The following WIPF1 variants were observed in gnomAD, a reference collection of about 807,000 sequenced individuals.
WIPF1 encodes the protein WAS/WASL interacting protein family member 1, also known as WAS/WASL-interacting protein family member 1.
WIPF1 carries 13 observed loss-of-function variants against 35.4 expected under a neutral mutation model. The ratio of observed to expected loss-of-function variants is 0.37; its 90% CI spans 0.24 to 0.58. WIPF1 has a LOEUF of 0.58. Ranked by LOEUF, WIPF1 falls within the 20% of genes least tolerant of loss-of-function variation. The probability of loss-of-function intolerance (pLI) is 0.74; values close to 1 mark genes in which losing one functional copy is unlikely to be tolerated. For synonymous variants in WIPF1, 267 were observed against 266.3 expected, an observed-to-expected ratio of 1.00 and a Z score of -0.02; for missense variants, 591 against 667.0, an observed-to-expected ratio of 0.89 and a Z score of 1.25.
At chr2:174,680,315 G>A (rs1688220934) in intron 1 of WIPF1, among the ~76,000 whole-genome samples, 1 of 152,200 alleles carries the variant, frequency 6.6e-6, no homozygotes, top group Admixed American at 6.5e-5. Context: ...CTGATTCGAC[G>A]TGGGTCCCTG....
intron 4 of WIPF1, among the ~76,000 whole-genome samples, chr2:174,574,446 G>A (rs1201898036): frequency 6.6e-6 from 1 of 152,178 alleles, no homozygotes; most frequent in Non-Finnish European, 1.5e-5. Flanking sequence ...ATGTAAATGT[G>A]AGAGTTTCAT....
At chr2:174,630,816 C>T (rs1686998871) in intron 1 of WIPF1, 1 of 152,238 alleles carries the variant, frequency 6.6e-6, no homozygotes, top group African/African-American at 2.4e-5. Flanking sequence ...TTTCCTACCA[C>T]TTCCTTGCAC....
chr2:174,605,331 A>G (rs867877545), intron 1 of WIPF1, among the ~76,000 whole-genome samples: 39 of 152,072 alleles, frequency 2.6e-4, no homozygotes, highest in African/African-American at 8.5e-4. Context: ...CCAGCTACTC[A>G]GGAGGCTAAG....
At chr2:174,594,038 C>G (rs976352708) in intron 1 of WIPF1, among the ~76,000 whole-genome samples, 7 of 152,232 alleles carry the variant, frequency 4.6e-5, no homozygotes, top group African/African-American at 1.7e-4. Flanking sequence ...TCCATTTGAG[C>G]TGAATGTGGA....
At chr2:174,596,001 G>C (rs550979789) in intron 1 of WIPF1, among the ~76,000 whole-genome samples, 1 of 152,270 alleles carries the variant, frequency 6.6e-6, no homozygotes, top group Admixed American at 6.5e-5. Flanking sequence ...CACTTAAAGG[G>C]TCCAGGAATT....
chr2:174,598,888 A>G (rs188523844), upstream of WIPF1, among the ~76,000 whole-genome samples: 67 of 152,352 alleles, frequency 4.4e-4, no homozygotes, highest in African/African-American at 1.6e-3. Context: ...ACCTTGAGTT[A>G]TGTATAGAAC....
chr2:174,674,418 T>A (rs750547563), intron 1 of WIPF1, among the ~76,000 whole-genome samples: 1 of 152,248 alleles, frequency 6.6e-6, no homozygotes, highest in Non-Finnish European at 1.5e-5. Context: ...ACATTTATAT[T>A]TCCTGAGACA....
chr2:174,624,616 A>T (rs1017928948), intron 1 of WIPF1, among the ~76,000 whole-genome samples: 1 of 152,204 alleles, frequency 6.6e-6, no homozygotes, highest in African/African-American at 2.4e-5. Flanking sequence ...TTAACAACCA[A>T]TGAGGCACAG....
intron 2 of WIPF1, among the ~76,000 whole-genome samples, chr2:174,583,967 G>A (rs903783007): frequency 8.6e-5 from 13 of 152,012 alleles, no homozygotes; most frequent in African/African-American, 2.9e-4. Flanking sequence ...CTATAAGCAC[G>A]CACCGCCATG....
In WIPF1 at chr2:174,580,243, G is replaced by A. The variant is rs182196525; in HGVS notation, c.181+1067C>T. On this transcript the variant is annotated intron_variant, in intron 3 of 7. Coordinates refer to ENST00000679041, the MANE Select transcript of WIPF1 (RefSeq NM_001375834.1). Reference sequence around the variant, plus strand: ...TGGAATTACAGGTGCGAGCCACTGCGCCCGGCCATAGTTCCTTTTTGAAAG... The same window carrying A: ...TGGAATTACAGGTGCGAGCCACTGCACCCGGCCATAGTTCCTTTTTGAAAG... Among the ~76,000 whole-genome samples the A allele has an allele frequency of 3.3e-5, 5 of 152,258 alleles. No individual in the cohort carries two copies. In the East Asian group the frequency reaches 5.8e-4, roughly 18 times the overall value.
At chr2:174,585,117 T>C (rs1447366167) in intron 2 of WIPF1, among the ~76,000 whole-genome samples, 1 of 152,166 alleles carries the variant, frequency 6.6e-6, no homozygotes, top group Non-Finnish European at 1.5e-5. Context: ...TTTAATGGAA[T>C]GCACTGCAGG....
intron 1 of WIPF1, 50 bp from the exon 2 acceptor site, chr2:174,585,661 T>G (rs1010723467): frequency 3.1e-6 from 4 of 1,288,938 alleles, no homozygotes; most frequent in Admixed American, 4.3e-5. Context: ...TTAGTAATAC[T>G]GTCCTAATCT....
chr2:174,649,191 A>C (rs1288111933), intron 1 of WIPF1, among the ~76,000 whole-genome samples: 2 of 152,192 alleles, frequency 1.3e-5, no homozygotes, highest in African/African-American at 2.4e-5. Flanking sequence ...GCCTTTAAAA[A>C]TACACGTATT....
intron 1 of WIPF1, among the ~76,000 whole-genome samples, chr2:174,619,884 A>C (rs1360461651): frequency 6.6e-6 from 1 of 151,980 alleles, no homozygotes; most frequent in African/African-American, 2.4e-5. Flanking sequence ...CGACGTTGCA[A>C]GAAGCCATGA....
intron 1 of WIPF1, among the ~76,000 whole-genome samples, chr2:174,627,460 CCTTTCTCTTT>C (rs1397713948): frequency 1.3e-5 from 2 of 150,470 alleles, no homozygotes; most frequent in African/African-American, 2.4e-5. Flanking sequence ...TTTCTTTCTT[CCTTTCTCTTT>C]CTTTCTCTCT....
At chr2:174,615,241 A>G (rs1187205057) in intron 1 of WIPF1, among the ~76,000 whole-genome samples, 1 of 152,326 alleles carries the variant, frequency 6.6e-6, no homozygotes, top group Non-Finnish European at 1.5e-5. Context: ...GGATGGGTCA[A>G]TTCAGTGGTG....
chr2:174,604,860 AACTCT>A (rs1288783014), intron 1 of WIPF1, among the ~76,000 whole-genome samples: 1 of 152,222 alleles, frequency 6.6e-6, no homozygotes, highest in African/African-American at 2.4e-5. Context: ...GATCTGGAGT[AACTCT>A]ACTCTGACTC....
chr2:174,660,158 C>A (rs564157038), intron 1 of WIPF1, among the ~76,000 whole-genome samples: 1 of 152,104 alleles, frequency 6.6e-6, no homozygotes, highest in Non-Finnish European at 1.5e-5. Flanking sequence ...TAAAATTAGG[C>A]CATTCTGTGG....
intron 1 of WIPF1, among the ~76,000 whole-genome samples, chr2:174,595,088 C>CAAAAAAAAAAAAAA (rs57521272): frequency 2.0e-4 from 1 of 5,070 alleles, no homozygotes; most frequent in Non-Finnish European, 4.1e-4. Flanking sequence ...CTCATCTCTA[C>CAAAAAAAAAAAAAA]AAAAAAAAAA....
Sources: gnomAD v4.1 joint callset for allele counts (sites outside exome capture counted in the v4.1 genomes callset) on GRCh38, gnomAD v4.1.1 for gene constraint, MANE v1.5 for transcripts, NCBI Gene and HGNC (gene_info 2026-07-23, HGNC 2026-07-21) for gene names.